BEND3: variants seen among roughly 807,000 people sequenced by gnomAD.
BEND3 encodes the protein BEN domain-containing protein 3.
A neutral mutation model predicts 60.1 loss-of-function variants in BEND3; 13 were observed. The ratio of observed to expected loss-of-function variants is 0.22; its 90% CI spans 0.14 to 0.34. The LOEUF is 0.34. BEND3 is among the 10% of genes least tolerant of loss of function. BEND3 has a pLI of 1.00. For synonymous variants in BEND3, 497 were observed against 491.5 expected, an observed-to-expected ratio of 1.01 and a Z score of -0.15; for missense variants, 896 against 1,138.1, an observed-to-expected ratio of 0.79 and a Z score of 3.06.
intron 3 of BEND3, among the ~76,000 whole-genome samples, chr6:107,094,519 G>A (rs920651429): frequency 1.3e-5 from 2 of 151,920 alleles, no homozygotes; most frequent in Non-Finnish European, 2.9e-5. Context: ...TACTCGGGAG[G>A]CTGAGGCAGG....
At chr6:107,114,749 CGGCGCGG>C (rs1202820834) in intron 1 of BEND3, among the ~76,000 whole-genome samples, 32 of 145,622 alleles carry the variant, frequency 2.2e-4, no homozygotes, top group African/African-American at 7.9e-4. Context: ...GCGGCGGCGG[CGGCGCGG>C]ACGGTTCCAC....
intron 1 of BEND3, among the ~76,000 whole-genome samples, chr6:107,105,501 T>C (rs1775794167): frequency 6.6e-6 from 1 of 152,086 alleles, no homozygotes; most frequent in South Asian, 2.1e-4. Flanking sequence ...CATTCTCTAG[T>C]GAACCCATAG....
chr6:107,081,377 C>G (rs1219686729), intron 3 of BEND3, among the ~76,000 whole-genome samples: 1 of 151,920 alleles, frequency 6.6e-6, no homozygotes, highest in Non-Finnish European at 1.5e-5. Flanking sequence ...CCCACCACTA[C>G]GCCTGGCTAA....
chr6:107,101,469 A>G (rs782441409), intron 1 of BEND3, among the ~76,000 whole-genome samples: 1 of 152,202 alleles, frequency 6.6e-6, no homozygotes, highest in Non-Finnish European at 1.5e-5. Flanking sequence ...CAATAGTGCA[A>G]GACAGGCACA....
chr6:107,092,008 G>A lies in BEND3; in HGVS notation c.240+6543C>T, dbSNP rs188650511. Among the ~76,000 whole-genome samples the A allele has an allele frequency of 1.1e-3, 169 of 152,258 alleles. 2 individuals are homozygous for A. The East Asian group carries it at 0.029, about 26-fold the overall frequency. The stretch of plus-strand genomic sequence containing the variant: ...ATGGTGGCTCACGCCTGTAATCCTA[G>A]CACTTTGGGAGGCAGAGGTGGGCGG... On this transcript the variant is annotated intron_variant, in intron 3 of 3. Transcript: ENST00000369042.
intron 1 of BEND3, among the ~76,000 whole-genome samples, chr6:107,100,242 TATTTC>T (rs1160685742): frequency 6.6e-6 from 1 of 152,132 alleles, no homozygotes. Flanking sequence ...TACAATACTT[TATTTC>T]ATTTATTTGT....
rs1774954321 is a variant in BEND3, at chr6:107,070,626, C to T, written c.565G>A (p.Asp189Asn). Residue 189 changes from aspartate (D) to asparagine (N), a missense_variant, in exon 4 of 4, where the codon GAC (aspartate) becomes AAC (asparagine). Physicochemically the swap from Asp to Asn is conservative, Grantham distance 23 (BLOSUM62 1). This residue lies in a region of BEND3 where 846 missense variants were observed against 1,036.7 expected (regional missense o/e 0.82). Coordinates refer to ENST00000369042, the MANE Select transcript of BEND3 (RefSeq NM_001367314.1). This position sits in a 1 kb window ranked among gnomAD's most constrained non-coding sequence, Gnocchi z 6.9. ...CGSTGAGTDN[D>N]PNIYFLIQKM... ...TGGATCAGGAAGTAGATGTTGGGGTCGTTGTCAGTGCCTGCCCCGGTGCTG... is the reference window on the plus strand; with the variant it reads ...TGGATCAGGAAGTAGATGTTGGGGTTGTTGTCAGTGCCTGCCCCGGTGCTG... The T allele has an allele frequency of 7.4e-6, 12 of 1,611,994 alleles. No homozygotes were observed. The highest frequency in any genetic ancestry group is 1.3e-5 in the African/African-American group (1 of 74,844).
chr6:107,083,860 G>A (rs1293248650), intron 3 of BEND3, among the ~76,000 whole-genome samples: 2 of 152,184 alleles, frequency 1.3e-5, no homozygotes, highest in Non-Finnish European at 2.9e-5. Flanking sequence ...AGGCCGAGGT[G>A]GGAGATTCCT....
intron 3 of BEND3, among the ~76,000 whole-genome samples, chr6:107,081,283 C>G (rs148692311): frequency 6.7e-6 from 1 of 149,182 alleles, no homozygotes; most frequent in Non-Finnish European, 1.5e-5. Context: ...TGCAGTGGCG[C>G]GATCTCAGCT....
intron 3 of BEND3, among the ~76,000 whole-genome samples, chr6:107,073,813 G>A (rs1554232418): frequency 6.6e-6 from 1 of 152,016 alleles, no homozygotes. Flanking sequence ...CTTCAGCCTG[G>A]GAGATTGAGG....
At chr6:107,099,000 G>A (rs868972824) in intron 2 of BEND3, among the ~76,000 whole-genome samples, 5 of 152,158 alleles carry the variant, frequency 3.3e-5, no homozygotes, top group South Asian at 4.2e-4. Flanking sequence ...TTTTTTGGGG[G>A]GGAAGACAGT....
At chr6:107,094,535 C>T (rs573343961) in intron 3 of BEND3, among the ~76,000 whole-genome samples, 155 of 151,896 alleles carry the variant, frequency 1.0e-3, no homozygotes, top group African/African-American at 3.6e-3. Flanking sequence ...GCAGGAGAAT[C>T]GCTTGAACCC....
intron 3 of BEND3, among the ~76,000 whole-genome samples, chr6:107,072,862 C>T (rs1221476522): frequency 6.6e-6 from 1 of 151,904 alleles, no homozygotes; most frequent in Non-Finnish European, 1.5e-5. Context: ...GTAGTGTGCA[C>T]CTGTAGTCCC....
chr6:107,081,811 C>A (rs1228235660), intron 3 of BEND3, among the ~76,000 whole-genome samples: 7 of 151,830 alleles, frequency 4.6e-5, no homozygotes, highest in Admixed American at 3.3e-4. Flanking sequence ...GGAGAATATA[C>A]CCTTTCCTTT....
intron 3 of BEND3, among the ~76,000 whole-genome samples, chr6:107,078,414 T>C (rs1049820832): frequency 2.0e-5 from 3 of 151,552 alleles, no homozygotes; most frequent in Non-Finnish European, 4.4e-5. Flanking sequence ...AGCTGAATGC[T>C]GGTCATGGGG....
Position 107,111,728 on chromosome 6 carries a change from T to C in BEND3, c.-12+3362A>G, listed in dbSNP as rs554449176. On this transcript the variant is annotated intron_variant, in intron 1 of 3. Transcript: ENST00000369042. ...CAGGCGCGATGGCTTACACCTGTAATCCTAACACTTTGGGAGGCTGAGGCC... is the reference window on the plus strand; with the variant it reads ...CAGGCGCGATGGCTTACACCTGTAACCCTAACACTTTGGGAGGCTGAGGCC... Among the ~76,000 whole-genome samples, 4 of 152,118 alleles carry C rather than the reference T, an allele frequency of 2.6e-5. No individual in the cohort carries two copies. In the South Asian group the frequency reaches 8.3e-4, roughly 32 times the overall value.
chr6:107,103,346 T>C (rs1440512693), intron 1 of BEND3, among the ~76,000 whole-genome samples: 6 of 152,182 alleles, frequency 3.9e-5, no homozygotes, highest in Admixed American at 6.6e-5. Flanking sequence ...AGCACCCAGA[T>C]GCCTAGCATG....
intron 3 of BEND3, among the ~76,000 whole-genome samples, chr6:107,077,450 G>A (rs1322523704): frequency 6.6e-6 from 1 of 151,960 alleles, no homozygotes; most frequent in East Asian, 1.9e-4. Context: ...GCATCAATAC[G>A]GTGACCTCCC....
intron 3 of BEND3, 55 bp downstream of exon 3, chr6:107,098,496 T>C: frequency 6.4e-7 from 1 of 1,566,338 alleles, no homozygotes; most frequent in South Asian, 1.1e-5. Context: ...AGATTCAGCA[T>C]GGAATCAGAG....
Sources: allele counts gnomAD v4.1 joint callset (sites outside exome capture counted in the v4.1 genomes callset), GRCh38; gene constraint gnomAD v4.1.1; regional missense constraint gnomAD v4.1.1; non-coding constraint Gnocchi (gnomAD v3.1); transcripts MANE v1.5; gene names NCBI Gene and HGNC (gene_info 2026-07-23, HGNC 2026-07-21).